The following CMTM1 variants were observed in gnomAD, a reference collection of about 807,000 sequenced individuals.
CMTM1 encodes CKLF-like MARVEL transmembrane domain-containing protein 1.
In CMTM1, 16 loss-of-function variants were observed where a neutral mutation model predicts 17.8. The ratio of observed to expected loss-of-function variants is 0.90; its 90% CI spans 0.61 to 1.37. The LOEUF is 1.37. Among genes scored for constraint, CMTM1 ranks in the 40% most tolerant of loss-of-function variants. The probability of loss-of-function intolerance (pLI) is 0.00; values close to 1 mark genes in which losing one functional copy is unlikely to be tolerated. For missense variants in CMTM1, 354 were observed against 375.6 expected (o/e 0.94, Z 0.47); for synonymous variants, 169 against 154.6 (o/e 1.09, Z -0.69).
intron 2 of CMTM1, among the ~76,000 whole-genome samples, chr16:66,573,478 G>C (rs2013821173): frequency 6.6e-6 from 1 of 152,092 alleles, no homozygotes; most frequent in South Asian, 2.1e-4. Context: ...ATATAATCCA[G>C]CATGGTCAGA....
intron 1 of CMTM1, 69 bp from the exon 2 acceptor site, chr16:66,569,867 A>T: frequency 8.2e-7 from 1 of 1,222,204 alleles, no homozygotes; most frequent in Non-Finnish European, 1.2e-6. Flanking sequence ...ATATAATCAG[A>T]TTTACATTCT....
At chr16:66,578,731 C>G in intron 3 of CMTM1, 100 bp from the exon 4 acceptor site, 1 of 1,513,084 alleles carries the variant, frequency 6.6e-7, no homozygotes, top group Non-Finnish European at 8.9e-7. Flanking sequence ...AGGAGGCCAC[C>G]CGCAGCGCCC....
rs1248881963 is a variant in CMTM1 at position 66,577,219 on chromosome 16, A to G, written c.690+17A>G. On this transcript the variant is annotated intron_variant, in intron 3 of 3. Transcript: ENST00000379500. ...GTCGGGGGGGTAAGTAGAGGCCTTC[A>G]TGACTCCATTTAAGATCAGTATTCC... 1.9e-6 allele frequency: 3 copies of G among 1,593,818 alleles called. No homozygotes were observed. In the South Asian group the frequency reaches 3.3e-5, roughly 18 times the overall value.
In CMTM1 at chr16:66,578,983, C is replaced by T. The variant is rs1336872407; in HGVS notation, c.843C>T (p.Ala281=). The T allele has an allele frequency of 1.2e-6, 2 of 1,613,514 alleles. No homozygotes were observed. Among genetic ancestry groups the T allele is most frequent in the Non-Finnish European group, 1.7e-6 (2 of 1,179,974 alleles). Residue 281 remains alanine, a synonymous_variant, in exon 4 of 4, where the codon GCC becomes GCT. Transcript: ENST00000379500. ...CCTACCCCGAAACCGGCCCCGACGC[C>T]CCGCAGAGGCCCGCCTGAAGCCAGC... The part of the protein sequence containing the change: ...KDAYPETGPD[A]PQRPA
chr16:66,566,501 C>G lies in CMTM1; in HGVS notation c.-13C>G, dbSNP rs764394648. 1.9e-6 allele frequency: 3 copies of G among 1,587,146 alleles called. No individual in the cohort carries two copies. In the East Asian group the frequency reaches 6.7e-5, roughly 36 times the overall value. The stretch of plus-strand genomic sequence containing the variant: ...CGGCACTGGTTCAGACGGCCAGGCC[C>G]TAGGGACCCACCATGGATCCTGAAC... On this transcript the variant is annotated 5_prime_UTR_variant, in exon 1 of 4. Transcript: ENST00000379500. The surrounding 1 kb of genome is among the most constrained non-coding windows in gnomAD (Gnocchi z 4.9).
chr16:66,575,036 G>C, intron 2 of CMTM1: 1 of 985,462 alleles, frequency 1.0e-6, no homozygotes, highest in Non-Finnish European at 1.2e-6. Flanking sequence ...GAACCCAGCT[G>C]GGACTTACTT....
At position 66,578,982 on chromosome 16, in the gene CMTM1, C is replaced by T. The variant is rs200464133; in HGVS notation, c.842C>T (p.Ala281Val). ...KDAYPETGPD[A>V]PQRPA The stretch of plus-strand genomic sequence containing the variant: ...GCCTACCCCGAAACCGGCCCCGACG[C>T]CCCGCAGAGGCCCGCCTGAAGCCAG... The change falls in exon 4 of 4, where the codon GCC (alanine) becomes GTC (valine). Residue 281 changes from alanine to valine, a missense_variant. Physicochemically the swap from Ala to Val is moderately conservative, Grantham distance 64 (BLOSUM62 0). Coordinates refer to ENST00000379500, the MANE Select transcript of CMTM1 (RefSeq NM_052999.4). 1.0e-4 allele frequency: 164 copies of T among 1,613,622 alleles called. No individual in the cohort carries two copies. The highest frequency in any genetic ancestry group is 5.1e-4 in the East Asian group (23 of 44,876).
chr16:66,571,573 C>G (rs1334483337), intron 2 of CMTM1, among the ~76,000 whole-genome samples: 1 of 152,214 alleles, frequency 6.6e-6, no homozygotes, highest in Non-Finnish European at 1.5e-5. Flanking sequence ...GTAAGAAACT[C>G]AGTGAAACTA....
chr16:66,570,034 T>TA lies in CMTM1; in HGVS notation c.532dup (p.Ile178AsnfsTer21), dbSNP rs1418115152. The TA allele has an allele frequency of 3.1e-6, 5 of 1,613,080 alleles. No homozygotes were observed. Among genetic ancestry groups the TA allele is most frequent in the East Asian group, 4.5e-5 (2 of 44,836 alleles). ...TGGAAATCTGCATTGTCGTTTTTTTTATTCTAATATATGTGCTAACCCTTC... is the reference window on the plus strand; with the variant it reads ...TGGAAATCTGCATTGTCGTTTTTTTTAATTCTAATATATGTGCTAACCCTTC... On this transcript the variant is annotated frameshift_variant, in exon 2 of 4. Transcript: ENST00000379500. LOFTEE classifies it high-confidence loss of function.
chr16:66,567,811 A>G (rs2012816776), intron 1 of CMTM1, among the ~76,000 whole-genome samples: 1 of 152,260 alleles, frequency 6.6e-6, no homozygotes, highest in Admixed American at 6.5e-5. Context: ...AAGGATCTAC[A>G]GGAGTACCTT....
In CMTM1 at chr16:66,566,922, G is replaced by A; in HGVS notation, c.409G>A (p.Gly137Arg). Residue 137 changes from glycine to arginine, a missense_variant, in exon 1 of 4, where the codon GGA becomes AGA. Gly to Arg is a moderately radical substitution (Grantham distance 125). Coordinates refer to ENST00000379500, the MANE Select transcript of CMTM1 (RefSeq NM_052999.4). The surrounding 1 kb of genome is among the most constrained non-coding windows in gnomAD (Gnocchi z 4.9). Reference protein sequence around the residue: ...SLKRFSFSPTGMLKILRLSLI... With the variant: ...SLKRFSFSPTRMLKILRLSLI... Reference sequence around the variant, plus strand: ...CAAACGTTTCTCCTTCTCGCCCACTGGAATGTTGAAGATCCTGAGACTGGT... The same window carrying A: ...CAAACGTTTCTCCTTCTCGCCCACTAGAATGTTGAAGATCCTGAGACTGGT... 6.2e-7 allele frequency: 1 copy of A among 1,614,156 alleles called. No individual in the cohort carries two copies.
intron 2 of CMTM1, among the ~76,000 whole-genome samples, chr16:66,570,352 C>G (rs2013319279): frequency 6.6e-6 from 1 of 152,022 alleles, no homozygotes; most frequent in Admixed American, 6.5e-5. Flanking sequence ...TCAGCTTGTC[C>G]TAAAAAAATA....
chr16:66,566,901 C>CA lies in CMTM1; in HGVS notation c.388_389insA (p.Arg130GlnfsTer32). The CA allele has an allele frequency of 6.2e-7, 1 of 1,614,096 alleles. No homozygotes were observed. Among genetic ancestry groups the CA allele is most frequent in the Non-Finnish European group, 8.5e-7 (1 of 1,180,016 alleles). On this transcript the variant is annotated frameshift_variant, in exon 1 of 4. Transcript: ENST00000379500. LOFTEE classifies it high-confidence loss of function. The surrounding 1 kb of genome is among the most constrained non-coding windows in gnomAD (Gnocchi z 4.9). Reference sequence around the variant, plus strand: ...GTACAAATTCAGGGACAGCCTCAAACGTTTCTCCTTCTCGCCCACTGGAAT... The same window carrying CA: ...GTACAAATTCAGGGACAGCCTCAAACAGTTTCTCCTTCTCGCCCACTGGAAT...
chr16:66,569,844 C>A, intron 1 of CMTM1, 92 bp from the exon 2 acceptor site: 1 of 860,412 alleles, frequency 1.2e-6, no homozygotes, highest in Non-Finnish European at 1.8e-6. Context: ...ACAATACAGG[C>A]CACTGTACTG....
At chr16:66,576,994 A>G in intron 2 of CMTM1, 110 bp from the exon 3 acceptor site, 1 of 899,456 alleles carries the variant, frequency 1.1e-6, no homozygotes, top group East Asian at 2.7e-5. Flanking sequence ...TCTTAATCAA[A>G]TGGAAGGTTT....
intron 2 of CMTM1, among the ~76,000 whole-genome samples, chr16:66,570,406 T>C (rs2013331285): frequency 6.6e-6 from 1 of 152,208 alleles, no homozygotes; most frequent in African/African-American, 2.4e-5. Flanking sequence ...TTCTCAGCCA[T>C]TGCTTGTACA....
At position 66,579,030 on chromosome 16, in the gene CMTM1, G is replaced by GT; in HGVS notation, c.*30dup. 6 of 1,606,758 alleles carry GT rather than the reference G, an allele frequency of 3.7e-6. No individual in the cohort carries two copies. The highest frequency in any genetic ancestry group is 5.1e-6 in the Non-Finnish European group (6 of 1,177,356). On this transcript the variant is annotated 3_prime_UTR_variant, in exon 4 of 4. Coordinates refer to ENST00000379500, the MANE Select transcript of CMTM1 (RefSeq NM_052999.4). The surrounding 1 kb of genome is among the most constrained non-coding windows in gnomAD (Gnocchi z 6.5). The stretch of plus-strand genomic sequence containing the variant: ...CAGCCCGGCGCCCTAGCAGATGCAC[G>GT]TGTCTGTCGAATCGCTGCCTCCGAG...
At chr16:66,567,723 A>C (rs1340294462) in intron 1 of CMTM1, among the ~76,000 whole-genome samples, 3 of 152,238 alleles carry the variant, frequency 2.0e-5, no homozygotes, top group Non-Finnish European at 4.4e-5. Context: ...CAACCAAGAA[A>C]AAAAGGGGGA....
intron 1 of CMTM1, among the ~76,000 whole-genome samples, chr16:66,568,722 C>T (rs1043569075): frequency 6.6e-6 from 1 of 151,982 alleles, no homozygotes; most frequent in African/African-American, 2.4e-5. Context: ...CCCGTCTCTA[C>T]TAAAAATTCA....
Sources: gnomAD v4.1 joint callset for allele counts (sites outside exome capture counted in the v4.1 genomes callset) on GRCh38, gnomAD v4.1.1 for gene constraint, Gnocchi (gnomAD v3.1) non-coding constraint, MANE v1.5 for transcripts, NCBI Gene and HGNC (gene_info 2026-07-23, HGNC 2026-07-21) for gene names.